Variants in LYN observed in about 807,000 individuals in gnomAD.
The protein encoded by LYN is LYN proto-oncogene, Src family tyrosine kinase.
LYN carries 12 observed loss-of-function variants against 65.0 expected under a neutral mutation model. That is an observed-to-expected ratio of 0.18 (90% CI 0.12 to 0.30). The LOEUF is 0.30. Ranked by LOEUF, LYN falls within the 10% of genes least tolerant of loss-of-function variation. LYN has a pLI of 1.00. For synonymous variants in LYN, 222 were observed against 221.2 expected (o/e 1.00, Z -0.03); for missense variants, 380 against 623.2 (o/e 0.61, Z 4.16).
intron 1 of LYN, among the ~76,000 whole-genome samples, chr8:55,880,961 C>G (rs1345266452): frequency 6.6e-6 from 1 of 152,176 alleles, no homozygotes; most frequent in Admixed American, 6.5e-5. Context: ...TGTTAATTAT[C>G]CCAAATTCGC....
chr8:55,901,880 T>C (rs372779356), intron 1 of LYN, among the ~76,000 whole-genome samples: 219 of 152,336 alleles, frequency 1.4e-3, no homozygotes, highest in African/African-American at 4.9e-3. Context: ...ACTTTCAGAC[T>C]GTGATTTGGG....
chr8:55,979,050 CTTTT>C (rs11287133), intron 10 of LYN, among the ~76,000 whole-genome samples: 2 of 74,286 alleles, frequency 2.7e-5, no homozygotes, highest in Non-Finnish European at 2.6e-5. Flanking sequence ...ACTTCTCATT[CTTTT>C]TTTTTTTTTT....
At chr8:56,007,838 G>T (rs552453293) in intron 12 of LYN, among the ~76,000 whole-genome samples, 1 of 152,162 alleles carries the variant, frequency 6.6e-6, no homozygotes, top group South Asian at 2.1e-4. Flanking sequence ...ACTGGTAATT[G>T]GCTGGATGCA....
intron 10 of LYN, among the ~76,000 whole-genome samples, chr8:55,991,926 C>T (rs919504118): frequency 6.6e-6 from 1 of 152,200 alleles, no homozygotes; most frequent in Non-Finnish European, 1.5e-5. Context: ...GCACAAGAAG[C>T]ATCAGCACAT....
intron 11 of LYN, 90 bp from the exon 12 acceptor site, chr8:55,999,323 AAAAAG>A (rs1006451994): frequency 3.4e-5 from 40 of 1,184,596 alleles, no homozygotes; most frequent in Middle Eastern, 2.2e-4. Flanking sequence ...TCCGCCTCAA[AAAAAG>A]AAAAGAAAAG....
At chr8:55,921,273 T>A (rs776501780) in intron 1 of LYN, among the ~76,000 whole-genome samples, 4 of 152,240 alleles carry the variant, frequency 2.6e-5, no homozygotes, top group Non-Finnish European at 5.9e-5. Context: ...GGTGCTTTGT[T>A]GCTGACTTGG....
chr8:55,953,009 C>T (rs1467354980), intron 7 of LYN, among the ~76,000 whole-genome samples: 1 of 152,164 alleles, frequency 6.6e-6, no homozygotes, highest in African/African-American at 2.4e-5. Flanking sequence ...GAAGGGGATG[C>T]ACATTATAGG....
rs1297845969 is a variant in LYN at position 55,953,839 on chromosome 8, A to C, written c.645A>C (p.Ala215=). 4 of 1,613,822 alleles carry C rather than the reference A, an allele frequency of 2.5e-6. No individual in the cohort carries two copies. In the African/African-American group the frequency reaches 4.0e-5, roughly 16 times the overall value. Residue 215 remains alanine, a synonymous_variant, in exon 8 of 13, where the codon GCA becomes GCC. Coordinates refer to ENST00000519728, the MANE Select transcript of LYN (RefSeq NM_002350.4). The part of the protein sequence containing the change: ...SDMIKHYQKQ[A]DGLCRRLEKA... ...TTTTCCCTTTCAAATTAGAGCAGGCAGATGGCTTGTGCAGAAGATTGGAGA... is the reference window on the plus strand; with the variant it reads ...TTTTCCCTTTCAAATTAGAGCAGGCCGATGGCTTGTGCAGAAGATTGGAGA...
At chr8:55,976,347 AG>A (rs1807752484) in intron 10 of LYN, among the ~76,000 whole-genome samples, 2 of 149,410 alleles carry the variant, frequency 1.3e-5, no homozygotes, top group African/African-American at 5.0e-5. Flanking sequence ...AAAAAAAAGA[AG>A]GAAGGAAGGA....
intron 4 of LYN, 133 bp downstream of exon 4, chr8:55,947,856 T>C (rs1310606230): frequency 1.6e-6 from 1 of 637,302 alleles, no homozygotes; most frequent in East Asian, 2.7e-5. Context: ...GAGGCCTCCT[T>C]GCTACCCACA....
chr8:55,880,357 C>T (rs1467470779), intron 1 of LYN, among the ~76,000 whole-genome samples: 2 of 151,986 alleles, frequency 1.3e-5, no homozygotes, highest in Non-Finnish European at 2.9e-5. Flanking sequence ...CAGGTGTCCG[C>T]CGCGGAGCCG....
At chr8:55,918,297 T>C (rs940310701) in intron 1 of LYN, among the ~76,000 whole-genome samples, 2 of 152,222 alleles carry the variant, frequency 1.3e-5, no homozygotes, top group Non-Finnish European at 2.9e-5. Flanking sequence ...CTGCCTTTAT[T>C]TCCTTAATTG....
chr8:55,938,456 C>T (rs900442838), intron 1 of LYN, among the ~76,000 whole-genome samples: 1 of 152,198 alleles, frequency 6.6e-6, no homozygotes, highest in African/African-American at 2.4e-5. Context: ...CTGTTGGGGA[C>T]ACACATTCCC....
At chr8:55,893,126 A>G (rs1805001405) in intron 1 of LYN, among the ~76,000 whole-genome samples, 1 of 152,232 alleles carries the variant, frequency 6.6e-6, no homozygotes, top group Non-Finnish European at 1.5e-5. Context: ...TTTACTTGCA[A>G]TTCAACTGGA....
intron 4 of LYN, among the ~76,000 whole-genome samples, chr8:55,949,957 C>T (rs576190751): frequency 5.3e-5 from 8 of 152,286 alleles, no homozygotes; most frequent in African/African-American, 1.2e-4. Context: ...TAGGAAACCA[C>T]GAATCTACTT....
Position 55,949,159 on chromosome 8 carries a change from T to G in LYN, c.285-1300T>G, listed in dbSNP as rs74624721. Among the ~76,000 whole-genome samples, 991 of 152,358 alleles carry G rather than the reference T, an allele frequency of 6.5e-3. 15 individuals carry two copies. Among genetic ancestry groups the G allele is most frequent in the African/African-American group, 0.022 (927 of 41,574 alleles). On this transcript the variant is annotated intron_variant, in intron 4 of 12. Transcript: ENST00000519728. ...TCTTATGGTTTTCTTCTTTTCATAG[T>G]GTCCATCTCTATGATAACTAGATGT...
At chr8:55,930,301 T>C (rs1806222905) in intron 1 of LYN, among the ~76,000 whole-genome samples, 1 of 152,250 alleles carries the variant, frequency 6.6e-6, no homozygotes, top group African/African-American at 2.4e-5. Flanking sequence ...GTTTCACTTT[T>C]TTGTAATTTC....
chr8:55,987,394 G>T (rs1244855117), intron 10 of LYN, among the ~76,000 whole-genome samples: 1 of 147,460 alleles, frequency 6.8e-6, no homozygotes, highest in Non-Finnish European at 1.5e-5. Context: ...GCTACAGAGT[G>T]AGACTTCATC....
At chr8:55,919,541 A>G (rs1204287006) in intron 1 of LYN, among the ~76,000 whole-genome samples, 2 of 152,196 alleles carry the variant, frequency 1.3e-5, no homozygotes, top group East Asian at 3.8e-4. Flanking sequence ...GGGTTTGAAG[A>G]AAGAATCTAT....
Sources: gnomAD v4.1 joint callset for allele counts (sites outside exome capture counted in the v4.1 genomes callset) on GRCh38, gnomAD v4.1.1 for gene constraint, MANE v1.5 for transcripts, NCBI Gene and HGNC (gene_info 2026-07-23, HGNC 2026-07-21) for gene names.